Variants in MTMR12 observed in about 807,000 individuals in gnomAD.
MTMR12 encodes the protein myotubularin-related protein 12.
MTMR12 carries 33 observed loss-of-function variants against 96.7 expected under a neutral mutation model. The observed-to-expected ratio is 0.34, with a 90% confidence interval of 0.26 to 0.46. MTMR12 has a LOEUF of 0.46. Among genes scored for constraint, MTMR12 ranks in the 20% least tolerant of loss-of-function variants. The pLI, the probability that MTMR12 is intolerant of heterozygous loss-of-function variation, is 1.00. For missense variants in MTMR12, 721 were observed against 896.1 expected (o/e 0.80, Z 2.49); for synonymous variants, 298 against 327.2 (o/e 0.91, Z 0.96).
Position 32,233,338 on chromosome 5 carries a change from T to C in MTMR12, c.1674+435A>G, listed in dbSNP as rs958288444. On this transcript the variant is annotated intron_variant, in intron 15 of 15. Transcript: ENST00000382142. The surrounding 1 kb of genome is among the most constrained non-coding windows in gnomAD (Gnocchi z 5.0). Reference sequence around the variant, plus strand: ...AGACTTTGCAGCCCTTGACAGAGTTTTGCAACCTGTGGTTTACAGGCACAG... The same window carrying C: ...AGACTTTGCAGCCCTTGACAGAGTTCTGCAACCTGTGGTTTACAGGCACAG... Among the ~76,000 whole-genome samples, 1 of 152,164 alleles carries C rather than the reference T, an allele frequency of 6.6e-6. No homozygotes were observed. Among genetic ancestry groups the C allele is most frequent in the Non-Finnish European group, 1.5e-5 (1 of 68,034 alleles).
At chr5:32,263,318 C>T (rs1581612986) in intron 6 of MTMR12, 76 bp from the exon 7 acceptor site, 3 of 1,575,686 alleles carry the variant, frequency 1.9e-6, no homozygotes, top group East Asian at 4.5e-5. Context: ...AAAGTCCCTC[C>T]TTAGGTTTTG....
intron 1 of MTMR12, among the ~76,000 whole-genome samples, chr5:32,281,635 C>T (rs184053928): frequency 1.3e-5 from 2 of 152,320 alleles, no homozygotes; most frequent in East Asian, 3.9e-4. Context: ...GGCGTGGTGG[C>T]TCATGCCTGT....
chr5:32,259,757 T>A (rs577283631), intron 7 of MTMR12, among the ~76,000 whole-genome samples: 3 of 151,932 alleles, frequency 2.0e-5, no homozygotes, highest in East Asian at 3.9e-4. Flanking sequence ...TACCTGGGGC[T>A]GGGCATAGTG....
intron 1 of MTMR12, among the ~76,000 whole-genome samples, chr5:32,281,258 A>AC (rs1214095075): frequency 2.3e-3 from 340 of 150,122 alleles, no homozygotes; most frequent in African/African-American, 8.1e-3. Flanking sequence ...TAAAAAAAAA[A>AC]AAAAAACAAA....
chr5:32,243,678 C>T, intron 10 of MTMR12, 79 bp from the exon 11 acceptor site: 1 of 854,128 alleles, frequency 1.2e-6, no homozygotes, highest in Non-Finnish European at 1.9e-6. Flanking sequence ...TGCTCCTCAA[C>T]TGTGTCATTC....
chr5:32,282,464 T>TAAAA lies in MTMR12; in HGVS notation c.82-5726_82-5723dup, dbSNP rs1177391471. 1.1e-4 allele frequency among the ~76,000 whole-genome samples: 16 copies of TAAAA among 146,934 alleles called. No homozygotes were observed. The South Asian group carries it at 1.3e-3, about 12-fold the overall frequency. On this transcript the variant is annotated intron_variant, in intron 1 of 15. Coordinates refer to ENST00000382142, the MANE Select transcript of MTMR12 (RefSeq NM_001040446.3). ...ATAAATAAATAAATAAATAAATAAA[T>TAAAA]AAAATAAAAAATAAAAATCATCATG...
chr5:32,308,516 T>C (rs977419702), intron 1 of MTMR12, among the ~76,000 whole-genome samples: 3 of 152,120 alleles, frequency 2.0e-5, no homozygotes, highest in Admixed American at 6.5e-5. Flanking sequence ...TGCCTCGATG[T>C]TGCTCACCTG....
intron 13 of MTMR12, among the ~76,000 whole-genome samples, chr5:32,238,733 C>T (rs1268559252): frequency 6.6e-6 from 1 of 152,136 alleles, no homozygotes; most frequent in African/African-American, 2.4e-5. Context: ...AAATATTATT[C>T]CCACTGTGAA....
intron 9 of MTMR12, 45 bp downstream of exon 9, chr5:32,248,727 G>GA (rs1385061835): frequency 6.7e-7 from 1 of 1,481,694 alleles, no homozygotes; most frequent in Admixed American, 1.7e-5. Flanking sequence ...CTGCTTCTTG[G>GA]AAAACAAGAA....
chr5:32,243,467 T>C (rs1191730388), intron 11 of MTMR12, 54 bp downstream of exon 11: 2 of 1,266,526 alleles, frequency 1.6e-6, no homozygotes, highest in African/African-American at 1.5e-5. Flanking sequence ...TTTGATCTAC[T>C]ACCCTGAGTT....
intron 13 of MTMR12, among the ~76,000 whole-genome samples, chr5:32,236,368 CA>C (rs911738700): frequency 1.3e-5 from 2 of 152,002 alleles, no homozygotes; most frequent in Admixed American, 1.3e-4. Context: ...GGCAACATGG[CA>C]AAACCCATCT....
At chr5:32,287,560 T>C (rs1284502788) in intron 1 of MTMR12, among the ~76,000 whole-genome samples, 1 of 152,168 alleles carries the variant, frequency 6.6e-6, no homozygotes, top group Non-Finnish European at 1.5e-5. Context: ...CATACATACA[T>C]CCTGTTAGTT....
intron 1 of MTMR12, among the ~76,000 whole-genome samples, chr5:32,293,546 A>G (rs1156487411): frequency 6.6e-6 from 1 of 151,932 alleles, no homozygotes; most frequent in Non-Finnish European, 1.5e-5. Flanking sequence ...TACTTAATAA[A>G]CTCCAGATAT....
In MTMR12 at chr5:32,228,615, A is replaced by ATG. The variant is rs199559656; in HGVS notation, c.*1161_*1162dup. On this transcript the variant is annotated 3_prime_UTR_variant, in exon 16 of 16. Coordinates refer to ENST00000382142, the MANE Select transcript of MTMR12 (RefSeq NM_001040446.3). Reference sequence around the variant, plus strand: ...TGATATATATATATATATCATATATATGATATATATATATCACATATATAT... The same window carrying ATG: ...TGATATATATATATATATCATATATATGTGATATATATATATCACATATATAT... 559 of 126,266 alleles carry ATG rather than the reference A, an allele frequency of 4.4e-3. 9 individuals carry two copies. Among genetic ancestry groups the ATG allele is most frequent in the African/African-American group, 0.016 (516 of 32,382 alleles). The allele number at this position is 126,266 out of a possible 1,614,324, so 7.8% of individuals were successfully genotyped here.
chr5:32,274,898 T>C (rs74616806), intron 2 of MTMR12, among the ~76,000 whole-genome samples: 2,163 of 152,108 alleles, frequency 0.014, 56 homozygotes, highest in African/African-American at 0.05. Flanking sequence ...AATAGGTCAG[T>C]ATTCTCTGCC....
At chr5:32,283,156 GGTGA>G (rs1750375915) in intron 1 of MTMR12, among the ~76,000 whole-genome samples, 1 of 152,122 alleles carries the variant, frequency 6.6e-6, no homozygotes, top group African/African-American at 2.4e-5. Flanking sequence ...AAATTTGTTG[GGTGA>G]GTGATTAAAG....
intron 10 of MTMR12, among the ~76,000 whole-genome samples, chr5:32,246,711 C>T (rs998338916): frequency 2.0e-5 from 3 of 152,170 alleles, no homozygotes; most frequent in East Asian, 1.9e-4. Context: ...GCACTGTCCC[C>T]GTAAACGTTT....
At chr5:32,251,054 CT>C (rs1299015165) in intron 8 of MTMR12, among the ~76,000 whole-genome samples, 218 of 131,006 alleles carry the variant, frequency 1.7e-3, no homozygotes, top group East Asian at 5.8e-3. Context: ...AGGTCCCTCT[CT>C]TTTTTTTTTT....
intron 7 of MTMR12, among the ~76,000 whole-genome samples, chr5:32,262,370 G>A (rs1208812255): frequency 1.3e-5 from 2 of 152,222 alleles, no homozygotes; most frequent in Non-Finnish European, 2.9e-5. Context: ...GAAGGCCGAG[G>A]TGAGAGGATC....
Sources: gnomAD v4.1 joint callset for allele counts (sites outside exome capture counted in the v4.1 genomes callset) on GRCh38, gnomAD v4.1.1 for gene constraint, Gnocchi (gnomAD v3.1) non-coding constraint, MANE v1.5 for transcripts, NCBI Gene and HGNC (gene_info 2026-07-23, HGNC 2026-07-21) for gene names.